VTI1A: variants seen among roughly 807,000 people sequenced by gnomAD.
VTI1A encodes vesicle transport through interaction with t-SNAREs 1A.
In VTI1A, 22 loss-of-function variants were observed where a neutral mutation model predicts 34.9. The ratio of observed to expected loss-of-function variants is 0.63; its 90% CI spans 0.45 to 0.90. VTI1A has a LOEUF of 0.90. VTI1A is among the 40% of genes least tolerant of loss of function. The probability of loss-of-function intolerance (pLI) is 0.00; values close to 1 mark genes in which losing one functional copy is unlikely to be tolerated. For synonymous variants in VTI1A, 87 were observed against 97.3 expected, an observed-to-expected ratio of 0.89 and a Z score of 0.62; for missense variants, 268 against 275.6, an observed-to-expected ratio of 0.97 and a Z score of 0.20.
intron 7 of VTI1A, among the ~76,000 whole-genome samples, chr10:112,704,277 G>A (rs536951138): frequency 6.6e-6 from 1 of 152,228 alleles, no homozygotes; most frequent in South Asian, 2.1e-4. Context: ...ATGAAATAAA[G>A]GTTGTGTACA....
chr10:112,812,104 TC>T (rs1853339017), intron 7 of VTI1A, among the ~76,000 whole-genome samples: 1 of 152,240 alleles, frequency 6.6e-6, no homozygotes, highest in Non-Finnish European at 1.5e-5. Flanking sequence ...GGCTCTGCAT[TC>T]TTTTAAAGCC....
intron 5 of VTI1A, among the ~76,000 whole-genome samples, chr10:112,589,646 G>C (rs572756084): frequency 2.0e-4 from 31 of 152,138 alleles, no homozygotes; most frequent in Admixed American, 1.8e-3. Flanking sequence ...TGTGTGACAC[G>C]GTTGCAAGTG....
chr10:112,721,797 G>A (rs1449295401), intron 7 of VTI1A, among the ~76,000 whole-genome samples: 2 of 141,898 alleles, frequency 1.4e-5, no homozygotes, highest in Non-Finnish European at 2.9e-5. Context: ...CCCATATAAA[G>A]AAGAATTGAT....
At chr10:112,486,682 T>TTAAGAATATACAGTTG (rs1848646256) in intron 3 of VTI1A, among the ~76,000 whole-genome samples, 3 of 148,864 alleles carry the variant, frequency 2.0e-5, no homozygotes, top group South Asian at 2.2e-4. Context: ...AATATACAAC[T>TTAAGAATATACAGTTG]TATATTTAGA....
intron 3 of VTI1A, among the ~76,000 whole-genome samples, chr10:112,497,571 T>C (rs1332698192): frequency 6.6e-6 from 1 of 152,252 alleles, no homozygotes; most frequent in Non-Finnish European, 1.5e-5. Context: ...GCTCAAAAGA[T>C]ATATTAGCTA....
At chr10:112,591,195 CCT>C (rs1451129775) in intron 5 of VTI1A, among the ~76,000 whole-genome samples, 9 of 152,080 alleles carry the variant, frequency 5.9e-5, no homozygotes, top group Non-Finnish European at 1.5e-5. Flanking sequence ...AGGAATTCAG[CCT>C]CTCTGTTGGG....
At chr10:112,781,770 G>A (rs570194775) in intron 7 of VTI1A, among the ~76,000 whole-genome samples, 23 of 152,058 alleles carry the variant, frequency 1.5e-4, no homozygotes, top group Non-Finnish European at 3.2e-4. Flanking sequence ...CAGGAGAATC[G>A]CTTGAACCCA....
the VTI1A span, among the ~76,000 whole-genome samples, chr10:112,850,216 A>T: frequency 6.6e-6 from 1 of 152,156 alleles, no homozygotes; most frequent in East Asian, 1.9e-4. Flanking sequence ...GCCTATTATT[A>T]CCTGGCTTTG....
intron 3 of VTI1A, among the ~76,000 whole-genome samples, chr10:112,483,605 T>G (rs1340866789): frequency 6.6e-6 from 1 of 152,158 alleles, no homozygotes; most frequent in African/African-American, 2.4e-5. Flanking sequence ...CTGTGTCTTC[T>G]AGGAAGTTTA....
intron 7 of VTI1A, among the ~76,000 whole-genome samples, chr10:112,716,549 T>C (rs962595998): frequency 1.3e-5 from 2 of 152,000 alleles, no homozygotes; most frequent in Admixed American, 6.6e-5. Flanking sequence ...GAAGAATAAG[T>C]GTGTGTTAGC....
chr10:112,744,494 G>A (rs965607891), intron 7 of VTI1A, among the ~76,000 whole-genome samples: 1 of 129,288 alleles, frequency 7.7e-6, no homozygotes, highest in Non-Finnish European at 1.5e-5. Flanking sequence ...AGAGTCTGTC[G>A]CCCAGGCTGG....
intron 7 of VTI1A, among the ~76,000 whole-genome samples, chr10:112,813,850 G>A (rs1387417311): frequency 6.6e-6 from 1 of 152,166 alleles, no homozygotes; most frequent in Non-Finnish European, 1.5e-5. Flanking sequence ...AGGACCAAGT[G>A]GACCATTCAT....
At chr10:112,511,909 T>C (rs887925378) in intron 3 of VTI1A, among the ~76,000 whole-genome samples, 1 of 152,232 alleles carries the variant, frequency 6.6e-6, no homozygotes, top group Non-Finnish European at 1.5e-5. Context: ...AATTGTTTTA[T>C]GCCTGGATAG....
chr10:112,622,202 T>TA (rs1195175444), intron 5 of VTI1A, among the ~76,000 whole-genome samples: 1 of 152,190 alleles, frequency 6.6e-6, no homozygotes, highest in Non-Finnish European at 1.5e-5. Context: ...AGCCAGTCGA[T>TA]ATACCTAAAA....
chr10:112,598,977 A>T (rs2134462686), intron 5 of VTI1A, among the ~76,000 whole-genome samples: 1 of 152,330 alleles, frequency 6.6e-6, no homozygotes, highest in Admixed American at 6.5e-5. Context: ...AAGTTGCAGT[A>T]AGAGTCTGCT....
At chr10:112,715,644 C>T (rs190106673) in intron 7 of VTI1A, among the ~76,000 whole-genome samples, 1 of 152,226 alleles carries the variant, frequency 6.6e-6, no homozygotes, top group Admixed American at 6.5e-5. Context: ...AGCCTGTGTA[C>T]TTCCTTTTCC....
chr10:112,663,850 TG>T (rs968923492), intron 5 of VTI1A, among the ~76,000 whole-genome samples: 4 of 152,152 alleles, frequency 2.6e-5, no homozygotes, highest in African/African-American at 9.7e-5. Context: ...TGCTCCAAAT[TG>T]TTAGGAAATA....
chr10:112,466,990 G>A (rs571445980), intron 3 of VTI1A, among the ~76,000 whole-genome samples: 13 of 152,180 alleles, frequency 8.5e-5, no homozygotes, highest in Middle Eastern at 3.4e-3. Flanking sequence ...ATTGAATTAA[G>A]GCCCACACGA....
intron 4 of VTI1A, among the ~76,000 whole-genome samples, chr10:112,537,242 C>A (rs907759773): frequency 6.8e-6 from 1 of 148,010 alleles, no homozygotes; most frequent in African/African-American, 2.5e-5. Context: ...TATGCAGATA[C>A]ATGTATGCAT....
Sources: gnomAD v4.1 joint callset for allele counts (sites outside exome capture counted in the v4.1 genomes callset) on GRCh38, gnomAD v4.1.1 for gene constraint, MANE v1.5 for transcripts, NCBI Gene and HGNC (gene_info 2026-07-23, HGNC 2026-07-21) for gene names.